The following FNIP1 variants were observed in gnomAD, a reference collection of about 807,000 sequenced individuals.
The protein encoded by FNIP1 is folliculin interacting protein 1, also known as folliculin-interacting protein 1.
In FNIP1, 40 loss-of-function variants were observed where a neutral mutation model predicts 124.5. The ratio of observed to expected loss-of-function variants is 0.32; its 90% CI spans 0.25 to 0.42. The LOEUF is 0.42. Among genes scored for constraint, FNIP1 ranks in the 10% least tolerant of loss-of-function variants. The probability of loss-of-function intolerance (pLI) is 1.00; values close to 1 mark genes in which losing one functional copy is unlikely to be tolerated. For synonymous variants in FNIP1, 472 were observed against 470.6 expected, an observed-to-expected ratio of 1.00 and a Z score of -0.04; for missense variants, 1,176 against 1,403.7, an observed-to-expected ratio of 0.84 and a Z score of 2.59.
chr5:131,721,254 T>A (rs1238652536), intron 3 of FNIP1, among the ~76,000 whole-genome samples: 1 of 152,094 alleles, frequency 6.6e-6, no homozygotes, highest in East Asian at 1.9e-4. Flanking sequence ...CATGATAAGA[T>A]AAATACTCCA....
chr5:131,711,474 TA>T (rs1392623456), intron 6 of FNIP1, among the ~76,000 whole-genome samples: 1 of 152,230 alleles, frequency 6.6e-6, no homozygotes, highest in Non-Finnish European at 1.5e-5. Context: ...CTTTCTGTTT[TA>T]AAAAGTGACA....
chr5:131,744,510 G>T, intron 2 of FNIP1, 54 bp downstream of exon 2: 1 of 1,529,482 alleles, frequency 6.5e-7, no homozygotes, highest in South Asian at 1.3e-5. Context: ...GATAATACTG[G>T]AATTATCAAA....
intron 15 of FNIP1, among the ~76,000 whole-genome samples, chr5:131,654,034 C>G (rs528501898): frequency 2.7e-4 from 41 of 152,300 alleles, no homozygotes; most frequent in Admixed American, 5.2e-4. Flanking sequence ...GCCACTGCAC[C>G]CAGCCCTTAT....
chr5:131,682,761 T>C (rs1768133078), intron 11 of FNIP1, among the ~76,000 whole-genome samples: 1 of 152,148 alleles, frequency 6.6e-6, no homozygotes, highest in Non-Finnish European at 1.5e-5. Flanking sequence ...TAGAAATCAT[T>C]TCTTTCTTCT....
chr5:131,738,567 T>C (rs950221908), intron 2 of FNIP1, among the ~76,000 whole-genome samples: 1 of 152,170 alleles, frequency 6.6e-6, no homozygotes, highest in Non-Finnish European at 1.5e-5. Context: ...GACTGCAATC[T>C]TGGCTCACTG....
intron 3 of FNIP1, among the ~76,000 whole-genome samples, chr5:131,724,494 C>A (rs904880611): frequency 2.6e-5 from 4 of 151,910 alleles, no homozygotes; most frequent in African/African-American, 7.3e-5. Context: ...GTTTGTTGGC[C>A]GTGTAAATGT....
chr5:131,646,768 G>A (rs918835511), intron 17 of FNIP1, among the ~76,000 whole-genome samples: 4 of 152,214 alleles, frequency 2.6e-5, no homozygotes, highest in Admixed American at 2.0e-4. Flanking sequence ...GTGGAAGGCA[G>A]GGCAGATACT....
chr5:131,693,317 C>CGTATATATATATATAT (rs1768556437), intron 11 of FNIP1, among the ~76,000 whole-genome samples: 1 of 41,592 alleles, frequency 2.4e-5, no homozygotes, highest in East Asian at 5.1e-4. Context: ...TATATATATA[C>CGTATATATATATATAT]ACATATATAT....
chr5:131,651,685 T>C (rs1767043850), intron 16 of FNIP1, 117 bp downstream of exon 16: 2 of 898,440 alleles, frequency 2.2e-6, no homozygotes, highest in African/African-American at 3.4e-5. Flanking sequence ...GGCTTCAATA[T>C]ATGAGTTCGG....
chr5:131,697,968 CAAAAAA>C lies in FNIP1; in HGVS notation c.1202+943_1202+948del, dbSNP rs753487190. 6.8e-5 allele frequency among the ~76,000 whole-genome samples: 4 copies of C among 58,770 alleles called. No individual in the cohort carries two copies. In the East Asian group the frequency reaches 2.6e-3, roughly 38 times the overall value. The allele number at this position is 58,770 out of a possible 152,430, so 38.6% of individuals were successfully genotyped here. A position where few individuals can be genotyped will look rare whatever the true frequency, so the allele number is the denominator to read the frequency against. ...TGGGTGACAGAGCAAGACTCCACCTCAAAAAAAAAAAAAAAAAAAAAGAAAGAAAAA... is the reference window on the plus strand; with the variant it reads ...TGGGTGACAGAGCAAGACTCCACCTCAAAAAAAAAAAAAAAGAAAGAAAAA... On this transcript the variant is annotated intron_variant, in intron 11 of 17. Transcript: ENST00000510461.
At chr5:131,751,954 C>G (rs1770885651) in intron 1 of FNIP1, among the ~76,000 whole-genome samples, 1 of 152,180 alleles carries the variant, frequency 6.6e-6, no homozygotes, top group South Asian at 2.1e-4. Context: ...AACACTGAAT[C>G]ACGCACTTTA....
intron 5 of FNIP1, 22 bp from the exon 6 acceptor site, chr5:131,716,678 T>A: frequency 6.9e-7 from 1 of 1,450,202 alleles, no homozygotes; most frequent in Non-Finnish European, 9.4e-7. Context: ...GAGAAGAAAA[T>A]TAATTCCAAA....
chr5:131,753,582 A>G (rs1407351426), intron 1 of FNIP1, among the ~76,000 whole-genome samples: 1 of 152,208 alleles, frequency 6.6e-6, no homozygotes, highest in Non-Finnish European at 1.5e-5. Context: ...GTGATCAGGG[A>G]TAGGGAGTGA....
At chr5:131,735,481 A>G (rs1368216371) in intron 2 of FNIP1, among the ~76,000 whole-genome samples, 1 of 148,906 alleles carries the variant, frequency 6.7e-6, no homozygotes, top group African/African-American at 2.5e-5. Context: ...ACATACGTAT[A>G]TATGTATATA....
At chr5:131,650,536 A>T (rs772552668) in intron 16 of FNIP1, among the ~76,000 whole-genome samples, 1 of 152,106 alleles carries the variant, frequency 6.6e-6, no homozygotes, top group Non-Finnish European at 1.5e-5. Context: ...TATGTTTTCT[A>T]TGTACGAGAA....
intron 1 of FNIP1, among the ~76,000 whole-genome samples, chr5:131,789,290 T>C (rs1236814310): frequency 1.3e-5 from 2 of 152,138 alleles, no homozygotes; most frequent in African/African-American, 4.8e-5. Context: ...AAAATACATA[T>C]ATTTAAAATA....
At chr5:131,736,246 C>A (rs1052958312) in intron 2 of FNIP1, among the ~76,000 whole-genome samples, 1 of 152,144 alleles carries the variant, frequency 6.6e-6, no homozygotes, top group Non-Finnish European at 1.5e-5. Context: ...TGATCACCAA[C>A]AAAATGCCAG....
chr5:131,737,615 T>A (rs1325683508), intron 2 of FNIP1, among the ~76,000 whole-genome samples: 2 of 152,230 alleles, frequency 1.3e-5, no homozygotes, highest in African/African-American at 2.4e-5. Context: ...AACATTGTCA[T>A]CCTTTAACCT....
At chr5:131,776,117 CA>C (rs1561702324) in intron 1 of FNIP1, among the ~76,000 whole-genome samples, 1 of 152,156 alleles carries the variant, frequency 6.6e-6, no homozygotes. Context: ...GAAAGTTTGA[CA>C]AAATGCTTTT....
Sources: allele counts gnomAD v4.1 joint callset (sites outside exome capture counted in the v4.1 genomes callset), GRCh38; gene constraint gnomAD v4.1.1; transcripts MANE v1.5; gene names NCBI Gene and HGNC (gene_info 2026-07-23, HGNC 2026-07-21).